Variants in PRODH observed in about 807,000 individuals in gnomAD.
PRODH encodes the protein proline dehydrogenase 1, mitochondrial.
For synonymous variants in PRODH, 3 were observed against 10.4 expected (o/e 0.29, Z 1.37); for missense variants, 3 against 24.1 (o/e 0.12, Z 1.83).
At position 18,918,449 on chromosome 22, in the gene PRODH, G is replaced by A. The variant is rs376682221; in HGVS notation, c.1294C>T (p.Arg432Cys). 5.4e-6 allele frequency: 1 copy of A among 184,064 alleles called. No homozygotes were observed. The highest frequency in any genetic ancestry group is 1.1e-5 in the Non-Finnish European group (1 of 94,894). The allele number at this position is 184,064 out of a possible 1,614,324, so 11.4% of individuals were successfully genotyped here. ...TTGGCCCCAAAACACCAGCCCTCACGGCGAGCCAGCTCCACGTCCAGGGTC... is the reference window on the plus strand; with the variant it reads ...TTGGCCCCAAAACACCAGCCCTCACAGCGAGCCAGCTCCACGTCCAGGGTC... Reference protein sequence around the residue: ...NVTLDVELARREGWCFGAKLV... With the variant: ...NVTLDVELARCEGWCFGAKLV... Residue 432 changes from arginine (R) to cysteine (C), a missense_variant, in exon 11 of 14, where the codon CGT becomes TGT. Transcript: ENST00000357068.
chr22:18,917,728 G>A (rs1009208408), intron 11 of PRODH, among the ~76,000 whole-genome samples: 6 of 33,720 alleles, frequency 1.8e-4, no homozygotes, highest in African/African-American at 3.1e-4. Context: ...GATGGAACGC[G>A]AAATGAAAAA....
At chr22:18,914,049 GC>G (rs2081924933) in intron 12 of PRODH, 1 of 26,652 alleles carries the variant, frequency 3.8e-5, no homozygotes, top group African/African-American at 7.1e-5. Flanking sequence ...GCTGCCACCA[GC>G]CCCCGAGTCC....
At position 18,917,771 on chromosome 22, in the gene PRODH, A is replaced by C. The variant is rs527315141; in HGVS notation, c.1427+545T>G. Reference sequence around the variant, plus strand: ...GGCAGAGGACACGCTACAACGCAAAAAACAATGGCGGAGATGTGTGCGCTG... The same window carrying C: ...GGCAGAGGACACGCTACAACGCAAACAACAATGGCGGAGATGTGTGCGCTG... On this transcript the variant is annotated intron_variant, in intron 11 of 13. Coordinates refer to ENST00000357068, the MANE Select transcript of PRODH (RefSeq NM_016335.6). Among the ~76,000 whole-genome samples the C allele has an allele frequency of 4.5e-3, 149 of 32,778 alleles. 52 individuals carry two copies. The highest frequency in any genetic ancestry group is 7.2e-3 in the African/African-American group (139 of 19,224). The allele number at this position is 32,778 out of a possible 152,430, so 21.5% of individuals were successfully genotyped here. A position where few individuals can be genotyped will look rare whatever the true frequency, so the allele number is the denominator to read the frequency against.
intron 2 of PRODH, among the ~76,000 whole-genome samples, chr22:18,926,179 G>A: frequency 1.1e-5 from 1 of 95,208 alleles, no homozygotes; most frequent in Non-Finnish European, 2.6e-5. Flanking sequence ...CAGCTCTGAT[G>A]CAAGCACAGG....
chr22:18,916,559 G>A (rs1294643355), intron 12 of PRODH: 1 of 36,044 alleles, frequency 2.8e-5, no homozygotes, highest in African/African-American at 4.9e-5. Context: ...GGGAAGCGGA[G>A]GTTGCAGTGA....
chr22:18,933,521 C>G (rs1200990592), intron 1 of PRODH, among the ~76,000 whole-genome samples: 1 of 138,750 alleles, frequency 7.2e-6, no homozygotes, highest in Non-Finnish European at 1.6e-5. Context: ...GGTGATCCAC[C>G]CGCCTCGGCC....
chr22:18,928,019 G>A (rs2146216561), intron 2 of PRODH, among the ~76,000 whole-genome samples: 1 of 43,526 alleles, frequency 2.3e-5, no homozygotes, highest in African/African-American at 6.3e-5. Flanking sequence ...AGCTGATTCA[G>A]AACTGCGGGT....
chr22:18,917,903 C>T (rs996527735), intron 11 of PRODH, among the ~76,000 whole-genome samples: 1 of 36,386 alleles, frequency 2.7e-5, no homozygotes, highest in Admixed American at 4.3e-4. Flanking sequence ...AGAGGAAAAG[C>T]CCATGGTTGG....
intron 11 of PRODH, among the ~76,000 whole-genome samples, 170 bp downstream of exon 11, chr22:18,918,145 GA>G (rs2146209135): frequency 8.9e-6 from 1 of 112,140 alleles, no homozygotes; most frequent in South Asian, 2.7e-4. Context: ...ATTTATAAAA[GA>G]ATAACCTTAA....
At chr22:18,926,349 CA>C (rs1481806830) in intron 2 of PRODH, among the ~76,000 whole-genome samples, 2 of 21,142 alleles carry the variant, frequency 9.5e-5, no homozygotes, top group African/African-American at 2.7e-4. Flanking sequence ...CACGCCACCC[CA>C]CCCAGGGTTC....
Position 18,918,491 on chromosome 22 carries a change from C to T in PRODH, c.1252G>A (p.Asp418Asn), listed in dbSNP as rs1345149695. Residue 418 changes from aspartate (D) to asparagine (N), a missense_variant and splice_region_variant, in exon 11 of 14, where the codon GAT becomes AAT. Asp to Asn is a conservative substitution (Grantham distance 23). Coordinates refer to ENST00000357068, the MANE Select transcript of PRODH (RefSeq NM_016335.6). ...TCCAGGGTCACATTGTCATAGGCAT[C>T]CTGTGGGGCCAGGGCCAAAAGTCAC... ...IFNTYQCYLK[D>N]AYDNVTLDVE... 8.5e-6 allele frequency: 1 copy of T among 117,752 alleles called. No homozygotes were observed. The highest frequency in any genetic ancestry group is 5.2e-5 in the South Asian group (1 of 19,206). 7.3% of individuals were successfully genotyped at this position (117,752 alleles called of 1,614,324 possible). A position where few individuals can be genotyped will look rare whatever the true frequency, so the allele number is the denominator to read the frequency against.
rs201286120 is a variant in PRODH, at chr22:18,918,312, G to A, written c.1427+4C>T. 7 of 139,496 alleles carry A rather than the reference G, an allele frequency of 5.0e-5. No individual in the cohort carries two copies. Among genetic ancestry groups the A allele is most frequent in the African/African-American group, 1.2e-4 (2 of 16,410 alleles). 8.6% of individuals were successfully genotyped at this position (139,496 alleles called of 1,614,324 possible). On this transcript the variant is annotated splice_donor_region_variant and intron_variant, in intron 11 of 13. Transcript: ENST00000357068. ...GAAGACAGAGGGGTGGGAGAGCTGC[G>A]CACCTGTGGTACATGGCGTTGGTGG...
At position 18,913,309 on chromosome 22, in the gene PRODH, C is replaced by T. The variant is rs1437083211; in HGVS notation, c.1669G>A (p.Val557Met). ...KYVPYGPVMEVLPYLSRRALE... is the reference protein window; with the variant it reads ...KYVPYGPVMEMLPYLSRRALE... ...GCACGGCGGGACAAGTAGGGCAGCA[C>T]CTCCATCACGGGGCCATAGGGCACG... is the stretch of plus-strand genomic sequence containing the variant. The change falls in exon 14 of 14, where the codon GTG becomes ATG. Residue 557 changes from valine (V) to methionine (M), a missense_variant. Val to Met is a conservative substitution (Grantham distance 21). Transcript: ENST00000357068. 6 of 424,772 alleles carry T rather than the reference C, an allele frequency of 1.4e-5. 2 individuals carry two copies. In the South Asian group the frequency reaches 1.6e-4, roughly 11 times the overall value. The allele number at this position is 424,772 out of a possible 1,614,324, so 26.3% of individuals were successfully genotyped here. A position where few individuals can be genotyped will look rare whatever the true frequency, so the allele number is the denominator to read the frequency against.
chr22:18,918,086 A>G lies in PRODH; in HGVS notation c.1427+230T>C, dbSNP rs370182. ...CTGGATCTAAGTGTCTGCAGGAGCA[A>G]GCTCAGGGAACTGTGGCCAATTTTG... On this transcript the variant is annotated intron_variant, in intron 11 of 13. Coordinates refer to ENST00000357068, the MANE Select transcript of PRODH (RefSeq NM_016335.6). Among the ~76,000 whole-genome samples the G allele has an allele frequency of 3.1e-4, 36 of 115,970 alleles. 2 individuals carry two copies. The highest frequency in any genetic ancestry group is 7.1e-4 in the African/African-American group (25 of 35,428). 76.1% of individuals were successfully genotyped at this position (115,970 alleles called of 152,430 possible).
rs1291773950 is a variant in PRODH, at chr22:18,917,560, G to A, written c.1428-572C>T. 9.3e-5 allele frequency among the ~76,000 whole-genome samples: 3 copies of A among 32,384 alleles called. 1 individual carries two copies. The highest frequency in any genetic ancestry group is 1.6e-4 in the African/African-American group (3 of 18,904). The allele number at this position is 32,384 out of a possible 152,430, so 21.2% of individuals were successfully genotyped here. On this transcript the variant is annotated intron_variant, in intron 11 of 13. Transcript: ENST00000357068. The stretch of plus-strand genomic sequence containing the variant: ...CATCCTCAGACACAAAACCCCTGAC[G>A]GCCCGTGTGTACCACAGAGGGTGAC...
rs144751631 is a variant in PRODH, at chr22:18,918,478, T to C, written c.1265A>G (p.Asn422Ser). 1.6e-3 allele frequency: 237 copies of C among 145,602 alleles called. 20 individuals are homozygous for C. The highest frequency in any genetic ancestry group is 5.9e-3 in the East Asian group (88 of 15,036). 9.0% of individuals were successfully genotyped at this position (145,602 alleles called of 1,614,324 possible). The stretch of plus-strand genomic sequence containing the variant: ...AGCCAGCTCCACGTCCAGGGTCACA[T>C]TGTCATAGGCATCCTGTGGGGCCAG... ...YQCYLKDAYDNVTLDVELARR... is the reference protein window; with the variant it reads ...YQCYLKDAYDSVTLDVELARR... The change falls in exon 11 of 14, where the codon AAT (asparagine) becomes AGT (serine). Residue 422 changes from asparagine to serine, a missense_variant. Asn to Ser is a conservative substitution (Grantham distance 46). Coordinates refer to ENST00000357068, the MANE Select transcript of PRODH (RefSeq NM_016335.6).
intron 12 of PRODH, chr22:18,916,547 T>C (rs916302662): frequency 2.9e-5 from 1 of 33,940 alleles, no homozygotes; most frequent in African/African-American, 5.2e-5. Context: ...TTGCTTGAAC[T>C]TGGGAAGCGG....
In PRODH at chr22:18,918,380, C is replaced by A. The variant is rs1807467; in HGVS notation, c.1363G>T (p.Ala455Ser). The A allele has an allele frequency of 1.8e-3, 421 of 236,132 alleles. 21 individuals are homozygous for A. The highest frequency in any genetic ancestry group is 4.2e-3 in the East Asian group (112 of 26,630). 14.6% of individuals were successfully genotyped at this position (236,132 alleles called of 1,614,324 possible). ...AYLAQERARA[A>S]EIGYEDPINP... ...ATGGGGTCCTCATAGCCGATCTCTG[C>A]CGCACGGGCTCGCTCCTGGGCCAGG... Residue 455 changes from alanine to serine, a missense_variant, in exon 11 of 14, where the codon GCA (alanine) becomes TCA (serine). Physicochemically the swap from Ala to Ser is moderately conservative, Grantham distance 99 (BLOSUM62 1). Coordinates refer to ENST00000357068, the MANE Select transcript of PRODH (RefSeq NM_016335.6).
chr22:18,928,298 C>T (rs779845908), intron 2 of PRODH, among the ~76,000 whole-genome samples: 1 of 124,536 alleles, frequency 8.0e-6, no homozygotes, highest in African/African-American at 2.6e-5. Context: ...CACATGGGCA[C>T]GACCTGGGAC....
Sources: gnomAD v4.1 joint callset for allele counts (sites outside exome capture counted in the v4.1 genomes callset) on GRCh38, gnomAD v4.1.1 for gene constraint, MANE v1.5 for transcripts, NCBI Gene and HGNC (gene_info 2026-07-23, HGNC 2026-07-21) for gene names.